Variants in GULP1 observed in about 807,000 individuals in gnomAD.
GULP1 encodes the protein PTB domain-containing engulfment adapter protein 1.
In GULP1, 19 loss-of-function variants were observed where a neutral mutation model predicts 40.9. That is an observed-to-expected ratio of 0.46 (90% CI 0.32 to 0.68). The LOEUF (loss-of-function observed/expected upper bound fraction) is 0.68. GULP1 is among the 30% of genes least tolerant of loss of function. The pLI, the probability that GULP1 is intolerant of heterozygous loss-of-function variation, is 0.03. For missense variants in GULP1, 312 were observed against 362.2 expected (o/e 0.86, Z 1.12); for synonymous variants, 119 against 117.6 (o/e 1.01, Z -0.08).
At chr2:188,510,166 A>C (rs2153195156) in intron 4 of GULP1, among the ~76,000 whole-genome samples, 1 of 152,232 alleles carries the variant, frequency 6.6e-6, no homozygotes, top group South Asian at 2.1e-4. Context: ...TTCTGCAAAT[A>C]AATATATTTA....
intron 1 of GULP1, among the ~76,000 whole-genome samples, chr2:188,308,336 A>T (rs568836952): frequency 6.6e-6 from 1 of 152,242 alleles, no homozygotes; most frequent in African/African-American, 2.4e-5. Flanking sequence ...GTAAATGTAC[A>T]TGGGAAAGTA....
intron 4 of GULP1, among the ~76,000 whole-genome samples, chr2:188,490,994 G>A (rs901311784): frequency 7.2e-5 from 11 of 151,770 alleles, no homozygotes; most frequent in Non-Finnish European, 1.6e-4. Flanking sequence ...ATGGGGTTTC[G>A]CCACGTTGCT....
chr2:188,531,233 A>C (rs1687460417), intron 6 of GULP1, among the ~76,000 whole-genome samples: 1 of 152,246 alleles, frequency 6.6e-6, no homozygotes, highest in South Asian at 2.1e-4. Flanking sequence ...TGCACATTAA[A>C]GTTTGAGGGG....
intron 2 of GULP1, among the ~76,000 whole-genome samples, chr2:188,456,190 T>A (rs552823247): frequency 6.6e-6 from 1 of 152,226 alleles, no homozygotes; most frequent in African/African-American, 2.4e-5. Flanking sequence ...GAGGAGAAAT[T>A]CAAGCTAGCT....
At chr2:188,427,105 G>C (rs956049210) in intron 2 of GULP1, among the ~76,000 whole-genome samples, 4 of 152,196 alleles carry the variant, frequency 2.6e-5, no homozygotes, top group South Asian at 2.1e-4. Flanking sequence ...AGGGTATCTG[G>C]AGGATGAAAT....
rs181761220 is a variant in GULP1 at position 188,382,421 on chromosome 2, T to C, written c.-171-1342T>C. ...GGCCTGATAATGATCTCTGTGTTGGTAGGAGGTCTTCCACTCCGGGTCTCA... is the reference window on the plus strand; with the variant it reads ...GGCCTGATAATGATCTCTGTGTTGGCAGGAGGTCTTCCACTCCGGGTCTCA... On this transcript the variant is annotated intron_variant, in intron 1 of 11. Transcript: ENST00000409830. 2.2e-3 allele frequency among the ~76,000 whole-genome samples: 341 copies of C among 152,320 alleles called. 1 individual carries two copies. Among genetic ancestry groups the C allele is most frequent in the Non-Finnish European group, 4.3e-3 (292 of 68,028 alleles).
intron 1 of GULP1, among the ~76,000 whole-genome samples, chr2:188,315,110 CAT>C (rs1231246684): frequency 1.3e-5 from 2 of 152,200 alleles, no homozygotes; most frequent in Non-Finnish European, 1.5e-5. Context: ...GAAAAAAAAT[CAT>C]ATGCTGAGAT....
chr2:188,586,390 A>T (rs1218253219), intron 10 of GULP1, among the ~76,000 whole-genome samples: 3 of 152,156 alleles, frequency 2.0e-5, no homozygotes, highest in Non-Finnish European at 4.4e-5. Flanking sequence ...TTTTTTAACA[A>T]ACACCTACTA....
At chr2:188,304,088 T>A (rs2036620712) in intron 1 of GULP1, among the ~76,000 whole-genome samples, 1 of 152,068 alleles carries the variant, frequency 6.6e-6, no homozygotes, top group Admixed American at 6.6e-5. Context: ...GAAATTACCA[T>A]AAAGGAACTC....
At chr2:188,436,296 A>G (rs2057400272) in intron 2 of GULP1, among the ~76,000 whole-genome samples, 1 of 152,120 alleles carries the variant, frequency 6.6e-6, no homozygotes, top group Non-Finnish European at 1.5e-5. Flanking sequence ...ACTAGCCATC[A>G]TGATTACCTT....
chr2:188,314,357 TTTAA>T (rs1167474746), intron 1 of GULP1, among the ~76,000 whole-genome samples: 1 of 152,194 alleles, frequency 6.6e-6, no homozygotes, highest in Non-Finnish European at 1.5e-5. Context: ...AATTTTTTCT[TTTAA>T]TTGTTATCCT....
intron 1 of GULP1, among the ~76,000 whole-genome samples, chr2:188,329,060 T>C (rs1015009373): frequency 6.6e-6 from 1 of 152,088 alleles, no homozygotes; most frequent in African/African-American, 2.4e-5. Flanking sequence ...TCTCTCAGCT[T>C]CTTTTTCACA....
chr2:188,475,623 A>T (rs896474094), intron 2 of GULP1, among the ~76,000 whole-genome samples: 1 of 152,010 alleles, frequency 6.6e-6, no homozygotes, highest in African/African-American at 2.4e-5. Context: ...TGATTAATAA[A>T]CTTCATAGTA....
At chr2:188,419,068 G>A (rs1015002131) in intron 2 of GULP1, among the ~76,000 whole-genome samples, 2 of 152,074 alleles carry the variant, frequency 1.3e-5, no homozygotes, top group African/African-American at 4.8e-5. Context: ...TTTTTTTAGA[G>A]TTATTTTTAA....
At chr2:188,469,917 A>C (rs563341177) in intron 2 of GULP1, among the ~76,000 whole-genome samples, 5 of 152,188 alleles carry the variant, frequency 3.3e-5, no homozygotes, top group Non-Finnish European at 5.9e-5. Flanking sequence ...CTTGGGATTC[A>C]TGATGAATGA....
At chr2:188,593,446 T>C (rs1004779318) in intron 11 of GULP1, 1 of 152,146 alleles carries the variant, frequency 6.6e-6, no homozygotes, top group Non-Finnish European at 1.5e-5. Flanking sequence ...TAATCTGCAG[T>C]TGTGTGTTCC....
At chr2:188,555,485 T>C (rs986650456) in intron 7 of GULP1, among the ~76,000 whole-genome samples, 3 of 152,244 alleles carry the variant, frequency 2.0e-5, no homozygotes, top group Admixed American at 1.3e-4. Context: ...AGAATATTAC[T>C]GGATATCATG....
chr2:188,463,885 A>G (rs2059911502), intron 2 of GULP1, among the ~76,000 whole-genome samples: 1 of 151,990 alleles, frequency 6.6e-6, no homozygotes, highest in Non-Finnish European at 1.5e-5. Flanking sequence ...TTTTAAATTT[A>G]TCTGATAGAA....
intron 11 of GULP1, chr2:188,592,842 A>T (rs776700507): frequency 6.6e-6 from 1 of 152,134 alleles, no homozygotes; most frequent in Non-Finnish European, 1.5e-5. Flanking sequence ...AGTCAGTCCA[A>T]TTAAATAAAA....
Sources: allele counts gnomAD v4.1 joint callset (sites outside exome capture counted in the v4.1 genomes callset), GRCh38; gene constraint gnomAD v4.1.1; transcripts MANE v1.5; gene names NCBI Gene and HGNC (gene_info 2026-07-23, HGNC 2026-07-21).